The following ACBD6 variants were observed in gnomAD, a reference collection of about 807,000 sequenced individuals.
ACBD6 encodes the protein acyl-CoA-binding domain-containing protein 6.
Under a neutral mutation model 37.2 loss-of-function variants are expected in ACBD6, and 28 were observed. The observed-to-expected ratio is 0.75, with a 90% CI of 0.56 to 1.03. The LOEUF is 1.03. Ranked by LOEUF, ACBD6 falls within the 50% of genes least tolerant of loss-of-function variation. The pLI is 0.00. For synonymous variants in ACBD6, 113 were observed against 126.8 expected, an observed-to-expected ratio of 0.89 and a Z score of 0.73; for missense variants, 340 against 337.4, an observed-to-expected ratio of 1.01 and a Z score of -0.06.
intron 6 of ACBD6, among the ~76,000 whole-genome samples, chr1:180,336,956 G>A (rs561893436): frequency 8.2e-4 from 124 of 151,978 alleles, no homozygotes; most frequent in African/African-American, 2.8e-3. Flanking sequence ...ACTAAACCAG[G>A]AAGAAGTTGA....
intron 3 of ACBD6, among the ~76,000 whole-genome samples, chr1:180,430,828 G>T (rs972469263): frequency 6.6e-6 from 1 of 151,932 alleles, no homozygotes; most frequent in African/African-American, 2.4e-5. Context: ...GATTCAACAC[G>T]TCTTGCCCCT....
chr1:180,295,017 T>C (rs1182076029), intron 7 of ACBD6, among the ~76,000 whole-genome samples: 2 of 152,210 alleles, frequency 1.3e-5, no homozygotes, highest in Admixed American at 6.5e-5. Context: ...CTCTTTTTTT[T>C]CTTCCTTGGT....
intron 3 of ACBD6, among the ~76,000 whole-genome samples, chr1:180,452,507 A>G (rs979964545): frequency 4.0e-5 from 6 of 151,842 alleles, no homozygotes; most frequent in Non-Finnish European, 8.8e-5. Context: ...TAATAAAACC[A>G]ACTAGAGAAG....
chr1:180,313,834 A>G (rs1433809192), intron 7 of ACBD6, among the ~76,000 whole-genome samples: 1 of 152,072 alleles, frequency 6.6e-6, no homozygotes, highest in Non-Finnish European at 1.5e-5. Flanking sequence ...CCAACTCTAC[A>G]CAGACTCTTT....
chr1:180,458,363 T>TA (rs1007890733), intron 3 of ACBD6, among the ~76,000 whole-genome samples: 4 of 152,206 alleles, frequency 2.6e-5, no homozygotes, highest in African/African-American at 9.6e-5. Flanking sequence ...CCTACTGTCT[T>TA]AAACACTGAG....
chr1:180,451,113 A>T (rs1237529167), intron 3 of ACBD6, among the ~76,000 whole-genome samples: 1 of 152,246 alleles, frequency 6.6e-6, no homozygotes, highest in African/African-American at 2.4e-5. Flanking sequence ...AATGTAACTT[A>T]AAAAAGATAT....
At chr1:180,275,657 A>T (rs1304752075) in intron 9 of ACBD6, 1 of 152,236 alleles carries the variant, frequency 6.6e-6, no homozygotes, top group African/African-American at 2.4e-5. Flanking sequence ...AGTTTTGGTC[A>T]TTTCCAGGAA....
intron 7 of ACBD6, among the ~76,000 whole-genome samples, chr1:180,292,316 T>C (rs1159114477): frequency 6.6e-6 from 1 of 152,210 alleles, no homozygotes; most frequent in Non-Finnish European, 1.5e-5. Context: ...ATGGTATCTC[T>C]TTCCATTTAA....
chr1:180,354,559 A>G (rs1652548707), intron 6 of ACBD6, among the ~76,000 whole-genome samples: 2 of 152,216 alleles, frequency 1.3e-5, no homozygotes, highest in Admixed American at 1.3e-4. Flanking sequence ...TCTCCTAAAA[A>G]AAAGTTAAAT....
chr1:180,396,669 GTCAA>G (rs1322596111), intron 6 of ACBD6, among the ~76,000 whole-genome samples: 16 of 152,254 alleles, frequency 1.1e-4, no homozygotes, highest in Admixed American at 9.8e-4. Context: ...TATGCAAATA[GTCAA>G]CAAGCGTATG....
At chr1:180,300,014 A>G (rs1316930130) in intron 7 of ACBD6, among the ~76,000 whole-genome samples, 1 of 152,206 alleles carries the variant, frequency 6.6e-6, no homozygotes, top group Non-Finnish European at 1.5e-5. Flanking sequence ...CCTCTAGTTA[A>G]CCTGCGATTG....
At chr1:180,336,728 G>GT (rs1185078812) in intron 6 of ACBD6, among the ~76,000 whole-genome samples, 1 of 151,780 alleles carries the variant, frequency 6.6e-6, no homozygotes, top group Non-Finnish European at 1.5e-5. Context: ...CCAGGAGCTG[G>GT]TTTTTTGAAA....
intron 6 of ACBD6, among the ~76,000 whole-genome samples, chr1:180,386,396 CT>C (rs112678342): frequency 4.6e-5 from 7 of 152,022 alleles, no homozygotes; most frequent in African/African-American, 1.7e-4. Context: ...ATGTGTCTTG[CT>C]GTGGATTTTG....
chr1:180,396,001 G>C (rs951348773), intron 6 of ACBD6, among the ~76,000 whole-genome samples: 5 of 152,146 alleles, frequency 3.3e-5, no homozygotes, highest in Non-Finnish European at 7.4e-5. Context: ...CAACCACATG[G>C]ATGAACCTTG....
intron 7 of ACBD6, among the ~76,000 whole-genome samples, chr1:180,297,546 AG>A (rs1271907507): frequency 6.6e-6 from 1 of 152,192 alleles, no homozygotes; most frequent in Non-Finnish European, 1.5e-5. Context: ...TTCCAACCCC[AG>A]GGTCACTGCT....
chr1:180,502,308 C>G lies in ACBD6; in HGVS notation c.-42G>C. 1.2e-6 allele frequency: 2 copies of G among 1,605,944 alleles called. No homozygotes were observed. Among genetic ancestry groups the G allele is most frequent in the Non-Finnish European group, 1.7e-6 (2 of 1,176,402 alleles). On this transcript the variant is annotated 5_prime_UTR_variant, in exon 1 of 8. Transcript: ENST00000367595. ...CGTCCCTCTGTGTCCGGTCTGTCCT[C>G]CTTGGATTGGGTGTAAGGCCGGCTT... is the stretch of plus-strand genomic sequence containing the variant.
chr1:180,347,974 A>G (rs919257041), intron 6 of ACBD6, among the ~76,000 whole-genome samples: 4 of 152,142 alleles, frequency 2.6e-5, no homozygotes, highest in African/African-American at 9.7e-5. Flanking sequence ...AGAGATTCTA[A>G]GCATTTCTAG....
chr1:180,470,141 A>C (rs767832839), intron 3 of ACBD6, among the ~76,000 whole-genome samples: 2 of 152,212 alleles, frequency 1.3e-5, no homozygotes, highest in Non-Finnish European at 2.9e-5. Flanking sequence ...AATGCATGCT[A>C]AATTTCCCTA....
intron 7 of ACBD6, among the ~76,000 whole-genome samples, chr1:180,294,794 G>T (rs528631763): frequency 6.6e-6 from 1 of 151,930 alleles, no homozygotes; most frequent in Admixed American, 6.6e-5. Context: ...TCCTGGGCAT[G>T]AGTGATCCTC....
Sources: gnomAD v4.1 joint callset for allele counts (sites outside exome capture counted in the v4.1 genomes callset) on GRCh38, gnomAD v4.1.1 for gene constraint, MANE v1.5 for transcripts, NCBI Gene and HGNC (gene_info 2026-07-23, HGNC 2026-07-21) for gene names.